Variants in SPINK5 observed in about 807,000 individuals in gnomAD.
SPINK5 encodes the protein serine peptidase inhibitor Kazal type 5.
A neutral mutation model predicts 151.8 loss-of-function variants in SPINK5; 125 were observed. The observed-to-expected ratio is 0.82, with a 90% CI of 0.71 to 0.96. The LOEUF (loss-of-function observed/expected upper bound fraction) is 0.96, where lower values mean the gene tolerates loss of function less well. SPINK5 is among the 40% of genes least tolerant of loss of function. The pLI, the probability that SPINK5 is intolerant of heterozygous loss-of-function variation, is 0.00. For missense variants in SPINK5, 1,194 were observed against 1,291.9 expected (o/e 0.92, Z 1.16); for synonymous variants, 374 against 395.3 (o/e 0.95, Z 0.64).
chr5:148,083,241 T>C (rs1753066403), intron 4 of SPINK5, among the ~76,000 whole-genome samples: 1 of 151,536 alleles, frequency 6.6e-6, no homozygotes, highest in Non-Finnish European at 1.5e-5. Context: ...AGTGTTAATA[T>C]TGCTGCATAT....
Position 148,100,334 on chromosome 5 carries a change from A to G in SPINK5, c.1093-120A>G, listed in dbSNP as rs913363953. The G allele has an allele frequency of 7.3e-6, 8 of 1,088,656 alleles. No individual in the cohort carries two copies. In the Admixed American group the frequency reaches 1.1e-4, roughly 15 times the overall value. 67.4% of individuals were successfully genotyped at this position (1,088,656 alleles called of 1,614,324 possible). On this transcript the variant is annotated intron_variant, in intron 12 of 32. Coordinates refer to ENST00000256084, the MANE Select transcript of SPINK5 (RefSeq NM_006846.4). ...ATTGAATTTTACATTTGAGAAAAAC[A>G]CAATTAAAATCCTCAGCTCAAAGAG...
rs778293812 is a variant in SPINK5 at position 148,134,001 on chromosome 5, G to T, written c.3186+114G>T. ...TTATCTGGCCAGAGAGGTGACACTA[G>T]GTCAGGTGACCCAGAATTGGTCACA... On this transcript the variant is annotated intron_variant, in intron 32 of 32. Transcript: ENST00000256084. The T allele has an allele frequency of 1.2e-5, 13 of 1,076,036 alleles. No individual in the cohort carries two copies. In the South Asian group the frequency reaches 1.3e-4, roughly 11 times the overall value. 66.7% of individuals were successfully genotyped at this position (1,076,036 alleles called of 1,614,324 possible).
intron 22 of SPINK5, among the ~76,000 whole-genome samples, chr5:148,117,995 C>G (rs138593848): frequency 6.6e-6 from 1 of 152,016 alleles, no homozygotes; most frequent in Non-Finnish European, 1.5e-5. Context: ...CTGCAGATGC[C>G]AGACCTAGAT....
intron 20 of SPINK5, among the ~76,000 whole-genome samples, 200 bp from the exon 21 acceptor site, chr5:148,114,162 G>T (rs1222318930): frequency 1.3e-5 from 2 of 151,890 alleles, no homozygotes; most frequent in African/African-American, 4.8e-5. Flanking sequence ...CTGGATTTTG[G>T]GGCTATCAAG....
At chr5:148,109,688 ATTCTT>A (rs1185208088) in intron 18 of SPINK5, among the ~76,000 whole-genome samples, 1 of 152,004 alleles carries the variant, frequency 6.6e-6, no homozygotes. Flanking sequence ...GGTCCTCATT[ATTCTT>A]TTCTTTTGTC....
Position 148,089,622 on chromosome 5 carries a change from G to GT in SPINK5, c.602+2dup, listed in dbSNP as rs1461067277. 12 of 1,611,614 alleles carry GT rather than the reference G, an allele frequency of 7.4e-6. No homozygotes were observed. Among genetic ancestry groups the GT allele is most frequent in the Non-Finnish European group, 2.5e-6 (3 of 1,178,476 alleles). On this transcript the variant is annotated splice_donor_variant, in intron 7 of 32. Transcript: ENST00000256084. LOFTEE classifies it high-confidence loss of function. Reference sequence around the variant, plus strand: ...AGTGTGCAATGTGTGCTGAGCTGTTGTAAGTAGCATCATCCCCAGGTGGAC... The same window carrying GT: ...AGTGTGCAATGTGTGCTGAGCTGTTGTTAAGTAGCATCATCCCCAGGTGGAC...
chr5:148,095,690 T>C (rs1247468827), intron 9 of SPINK5, 128 bp from the exon 10 acceptor site: 12 of 748,956 alleles, frequency 1.6e-5, no homozygotes, highest in East Asian at 2.7e-5. Flanking sequence ...TTTTGGGGAT[T>C]TGAGGTGTTT....
At chr5:148,077,221 A>G (rs1458527064) in intron 4 of SPINK5, among the ~76,000 whole-genome samples, 1 of 151,054 alleles carries the variant, frequency 6.6e-6, no homozygotes, top group Non-Finnish European at 1.5e-5. Context: ...AAATTTAGAA[A>G]GTGGCAAGAG....
At position 148,137,186 on chromosome 5, in the gene SPINK5, G is replaced by A; in HGVS notation, c.*195G>A. The A allele has an allele frequency of 2.9e-6, 2 of 699,078 alleles. No individual in the cohort carries two copies. The highest frequency in any genetic ancestry group is 2.4e-6 in the Non-Finnish European group (1 of 411,956). The allele number at this position is 699,078 out of a possible 1,614,324, so 43.3% of individuals were successfully genotyped here. On this transcript the variant is annotated 3_prime_UTR_variant, in exon 33 of 33. Coordinates refer to ENST00000256084, the MANE Select transcript of SPINK5 (RefSeq NM_006846.4). ...TTCCTCCTAGACTCTGTGATCTGAG[G>A]GTATAAAGACATCTCCACCAAGTCT...
intron 2 of SPINK5, among the ~76,000 whole-genome samples, chr5:148,069,445 G>A (rs1210646860): frequency 1.2e-5 from 1 of 80,612 alleles, no homozygotes; most frequent in Non-Finnish European, 2.3e-5. Context: ...AGTTCCAAGG[G>A]ATGTGCCAAA....
At chr5:148,090,251 G>A (rs1166519986) in intron 7 of SPINK5, among the ~76,000 whole-genome samples, 2 of 151,774 alleles carry the variant, frequency 1.3e-5, no homozygotes, top group East Asian at 3.9e-4. Flanking sequence ...ACCTTAAATT[G>A]CTATATTTAC....
chr5:148,120,776 G>C (rs955690871), intron 26 of SPINK5, among the ~76,000 whole-genome samples: 4 of 152,052 alleles, frequency 2.6e-5, no homozygotes, highest in Non-Finnish European at 5.9e-5. Flanking sequence ...GCACTCTGCT[G>C]TTTCTGAATT....
chr5:148,121,324 G>A (rs77018155), intron 26 of SPINK5, among the ~76,000 whole-genome samples: 2,917 of 100,804 alleles, frequency 0.029, 90 homozygotes, highest in African/African-American at 0.079. Flanking sequence ...TTAATGCACC[G>A]ACGGACTCCA....
chr5:148,080,963 T>A (rs372885503), intron 4 of SPINK5, among the ~76,000 whole-genome samples: 1 of 151,464 alleles, frequency 6.6e-6, no homozygotes, highest in Admixed American at 6.6e-5. Context: ...GACAATTCAA[T>A]TAAGTATAGA....
chr5:148,106,896 T>C, intron 16 of SPINK5, 141 bp from the exon 17 acceptor site: 1 of 1,057,842 alleles, frequency 9.5e-7, no homozygotes, highest in Non-Finnish European at 1.4e-6. Context: ...GACGGAAGCT[T>C]TGTAAATACT....
chr5:148,119,183 C>G, intron 24 of SPINK5, 125 bp downstream of exon 24: 1 of 890,574 alleles, frequency 1.1e-6, no homozygotes, highest in Non-Finnish European at 1.8e-6. Context: ...TCAGGAGTTA[C>G]CAAGTTATCA....
intron 32 of SPINK5, among the ~76,000 whole-genome samples, chr5:148,135,804 G>A (rs1183740456): frequency 6.6e-6 from 1 of 152,142 alleles, no homozygotes; most frequent in African/African-American, 2.4e-5. Context: ...TAGAATAAGA[G>A]TCCAGGCAGT....
intron 31 of SPINK5, among the ~76,000 whole-genome samples, chr5:148,132,158 AAAATAATTTTT>A (rs1466110519): frequency 1.3e-5 from 2 of 152,188 alleles, no homozygotes; most frequent in African/African-American, 4.8e-5. Context: ...TCTGAATTTT[AAAATAATTTTT>A]AAATAATTTC....
At chr5:148,118,408 A>G in intron 22 of SPINK5, 29 bp from the exon 23 acceptor site, 1 of 1,613,778 alleles carries the variant, frequency 6.2e-7, no homozygotes, top group Non-Finnish European at 8.5e-7. Context: ...TAAGTAATCC[A>G]GGGGCTCTTC....
Sources: gnomAD v4.1 joint callset for allele counts (sites outside exome capture counted in the v4.1 genomes callset) on GRCh38, gnomAD v4.1.1 for gene constraint, MANE v1.5 for transcripts, NCBI Gene and HGNC (gene_info 2026-07-23, HGNC 2026-07-21) for gene names.